PAPOLG: variants seen among roughly 807,000 people sequenced by gnomAD.
PAPOLG encodes PAP-gamma.
PAPOLG carries 40 observed loss-of-function variants against 99.0 expected under a neutral mutation model. That is an observed-to-expected ratio of 0.40 (90% CI 0.31 to 0.53). The LOEUF (loss-of-function observed/expected upper bound fraction) is 0.53, where lower values mean the gene tolerates loss of function less well. PAPOLG is among the 20% of genes least tolerant of loss of function. PAPOLG has a pLI of 0.41. For missense variants in PAPOLG, 675 were observed against 884.1 expected, an observed-to-expected ratio of 0.76 and a Z score of 3.00; for synonymous variants, 310 against 299.3, an observed-to-expected ratio of 1.04 and a Z score of -0.37.
chr2:60,793,507 T>G, intron 17 of PAPOLG, 120 bp from the exon 18 acceptor site: 196 of 1,162,616 alleles, frequency 1.7e-4, no homozygotes, highest in Non-Finnish European at 2.2e-4. Flanking sequence ...GAGGCTGCAG[T>G]GAGCTGTGAT....
intron 13 of PAPOLG, among the ~76,000 whole-genome samples, chr2:60,783,611 A>G (rs973959308): frequency 6.1e-5 from 9 of 146,888 alleles, no homozygotes; most frequent in African/African-American, 2.3e-4. Flanking sequence ...CCTGGGTTCA[A>G]GTGATTCCCC....
At chr2:60,765,217 C>T (rs1052135968) in intron 3 of PAPOLG, among the ~76,000 whole-genome samples, 4 of 149,406 alleles carry the variant, frequency 2.7e-5, no homozygotes, top group Admixed American at 1.3e-4. Context: ...TACAGGTACA[C>T]ATCCTGATGC....
In PAPOLG at chr2:60,794,068, C is replaced by G; in HGVS notation, c.1866C>G (p.His622Gln). Residue 622 changes from histidine (H) to glutamine (Q), a missense_variant, in exon 19 of 22, where the codon CAC (histidine) becomes CAG (glutamine). His to Gln is a conservative substitution (Grantham distance 24). Transcript: ENST00000238714. ...RNVIPRITTP[H>Q]NPAQGQPHLN... is the part of the protein sequence containing the mutation. ...TCATTCCTAGAATCACAACACCTCA[C>G]AACCCTGCCCAGGGACAACCGCATC... 1 of 1,614,152 alleles carries G rather than the reference C, an allele frequency of 6.2e-7. No homozygotes were observed. Among genetic ancestry groups the G allele is most frequent in the Non-Finnish European group, 8.5e-7 (1 of 1,180,004 alleles).
intron 6 of PAPOLG, 107 bp from the exon 7 acceptor site, chr2:60,771,412 T>C: frequency 7.4e-7 from 1 of 1,355,444 alleles, no homozygotes; most frequent in Non-Finnish European, 9.6e-7. Context: ...TTGGTAGAAC[T>C]TCCCAAACTC....
chr2:60,793,515 G>C (rs1168797763), intron 17 of PAPOLG, 112 bp from the exon 18 acceptor site: 1 of 1,251,068 alleles, frequency 8.0e-7, no homozygotes, highest in Non-Finnish European at 1.1e-6. Flanking sequence ...AGTGAGCTGT[G>C]ATTGTGCCAC....
At chr2:60,791,270 G>C (rs1009177318) in intron 15 of PAPOLG, among the ~76,000 whole-genome samples, 1 of 152,158 alleles carries the variant, frequency 6.6e-6, no homozygotes, top group African/African-American at 2.4e-5. Flanking sequence ...TGGATTCATG[G>C]CTGGGCACGG....
intron 13 of PAPOLG, among the ~76,000 whole-genome samples, chr2:60,785,383 C>T (rs1671329801): frequency 6.6e-6 from 1 of 152,178 alleles, no homozygotes; most frequent in Non-Finnish European, 1.5e-5. Flanking sequence ...GTGATGCACC[C>T]ACCTTGGCCT....
At chr2:60,760,383 G>C (rs1573215624) in intron 2 of PAPOLG, 88 bp downstream of exon 2, 2 of 1,266,648 alleles carry the variant, frequency 1.6e-6, no homozygotes. Flanking sequence ...TGTGTCTCTA[G>C]ATACAGGTGC....
intron 13 of PAPOLG, among the ~76,000 whole-genome samples, chr2:60,784,878 C>G (rs528843532): frequency 6.6e-6 from 1 of 152,128 alleles, no homozygotes; most frequent in Non-Finnish European, 1.5e-5. Context: ...TTTGCCAACC[C>G]GTCATTTAGA....
chr2:60,769,931 C>A (rs541471183), intron 5 of PAPOLG, among the ~76,000 whole-genome samples: 1 of 151,656 alleles, frequency 6.6e-6, no homozygotes, highest in Admixed American at 6.6e-5. Flanking sequence ...TCCCCCACCC[C>A]CCGACAGGCC....
At position 60,799,201 on chromosome 2, in the gene PAPOLG, CT is replaced by C. The variant is rs1464825136; in HGVS notation, c.*2044del. ...GCTTTTAAATCAGCCTTCAAAGTAT[CT>C]TTAGGAATTCCTTCTGTATCCATGT... On this transcript the variant is annotated 3_prime_UTR_variant, in exon 22 of 22. Coordinates refer to ENST00000238714, the MANE Select transcript of PAPOLG (RefSeq NM_022894.4). 2 of 152,340 alleles carry C rather than the reference CT, an allele frequency of 1.3e-5. No homozygotes were observed. The highest frequency in any genetic ancestry group is 2.9e-5 in the Non-Finnish European group (2 of 68,028). The allele number at this position is 152,340 out of a possible 1,614,324, so 9.4% of individuals were successfully genotyped here. A position where few individuals can be genotyped will look rare whatever the true frequency, so the allele number is the denominator to read the frequency against.
chr2:60,788,426 A>G (rs571439003), intron 15 of PAPOLG, among the ~76,000 whole-genome samples: 1 of 152,104 alleles, frequency 6.6e-6, no homozygotes, highest in African/African-American at 2.4e-5. Flanking sequence ...GGTTCAAGTG[A>G]TTCTCATGCC....
intron 6 of PAPOLG, among the ~76,000 whole-genome samples, 177 bp downstream of exon 6, chr2:60,770,688 A>G (rs1670826517): frequency 6.6e-6 from 1 of 152,006 alleles, no homozygotes; most frequent in African/African-American, 2.4e-5. Flanking sequence ...TAGTGACACA[A>G]TCATAGCTCA....
In PAPOLG at chr2:60,756,336, A is replaced by C; in HGVS notation, c.-143A>C. 1.0e-6 allele frequency: 1 copy of C among 992,982 alleles called. No homozygotes were observed. The highest frequency in any genetic ancestry group is 1.6e-6 in the Non-Finnish European group (1 of 627,854). 61.5% of individuals were successfully genotyped at this position (992,982 alleles called of 1,614,324 possible). A position where few individuals can be genotyped will look rare whatever the true frequency, so the allele number is the denominator to read the frequency against. ...TGTGGTGTTTTCACTACTCGGTTGG[A>C]TGCCTCAGCCATAGTAAGTGGGAAA... On this transcript the variant is annotated 5_prime_UTR_variant, in exon 1 of 22. It removes an upstream start codon present in the reference 5' UTR. Transcript: ENST00000238714.
chr2:60,756,571 C>T, intron 1 of PAPOLG, 76 bp downstream of exon 1: 3 of 1,468,742 alleles, frequency 2.0e-6, no homozygotes, highest in South Asian at 1.3e-5. Flanking sequence ...TCCTTGTTTC[C>T]GTTCCCTGTC....
At chr2:60,784,846 A>G (rs1454867551) in intron 13 of PAPOLG, among the ~76,000 whole-genome samples, 2 of 152,238 alleles carry the variant, frequency 1.3e-5, no homozygotes, top group Non-Finnish European at 2.9e-5. Context: ...AAAATTTACT[A>G]TTTAGCCCTT....
At chr2:60,768,702 T>G in intron 4 of PAPOLG, 79 bp from the exon 5 acceptor site, 2 of 1,371,968 alleles carry the variant, frequency 1.5e-6, no homozygotes, top group Non-Finnish European at 2.0e-6. Flanking sequence ...TACTTTCTTC[T>G]GTACATATGT....
intron 1 of PAPOLG, among the ~76,000 whole-genome samples, chr2:60,757,006 C>T (rs1264034497): frequency 1.3e-5 from 2 of 152,146 alleles, no homozygotes; most frequent in Admixed American, 6.5e-5. Context: ...CCCCTGCTTC[C>T]CCACCTACCC....
At chr2:60,768,616 T>C (rs1313071281) in intron 4 of PAPOLG, 65 bp downstream of exon 4, 2 of 1,431,058 alleles carry the variant, frequency 1.4e-6, no homozygotes, top group Non-Finnish European at 9.7e-7. Flanking sequence ...AATTAGAAAA[T>C]GTAGGAGAAC....
Sources: gnomAD v4.1 joint callset for allele counts (sites outside exome capture counted in the v4.1 genomes callset) on GRCh38, gnomAD v4.1.1 for gene constraint, MANE v1.5 for transcripts, NCBI Gene and HGNC (gene_info 2026-07-23, HGNC 2026-07-21) for gene names.